PHF20: variants seen among roughly 807,000 people sequenced by gnomAD.
PHF20 encodes PHD finger protein 20, also known as glioma-expressed antigen 2.
A neutral mutation model predicts 113.5 loss-of-function variants in PHF20; 23 were observed. That is an observed-to-expected ratio of 0.20 (90% CI 0.15 to 0.29). PHF20 has a LOEUF of 0.29. Among genes scored for constraint, PHF20 ranks in the 10% least tolerant of loss-of-function variants. The pLI is 1.00. For synonymous variants in PHF20, 434 were observed against 457.3 expected (o/e 0.95, Z 0.65); for missense variants, 943 against 1,219.6 (o/e 0.77, Z 3.38).
At chr20:35,873,103 T>TG (rs1458793709) in intron 9 of PHF20, among the ~76,000 whole-genome samples, 2 of 142,536 alleles carry the variant, frequency 1.4e-5, no homozygotes, top group Admixed American at 6.9e-5. Context: ...TACACATTTA[T>TG]AATTTTTTTT....
intron 9 of PHF20, chr20:35,878,342 G>A: frequency 2.9e-6 from 1 of 343,312 alleles, no homozygotes; most frequent in Non-Finnish European, 5.2e-6. Flanking sequence ...GAAACTATGA[G>A]AATAGAGAGA....
At chr20:35,833,932 C>T (rs1298948495) in intron 2 of PHF20, among the ~76,000 whole-genome samples, 1 of 151,936 alleles carries the variant, frequency 6.6e-6, no homozygotes, top group African/African-American at 2.4e-5. Flanking sequence ...GTGGCGCACA[C>T]CTGTAATCCC....
At chr20:35,869,619 A>T (rs1473932335) in intron 7 of PHF20, 68 bp downstream of exon 7, 2 of 830,750 alleles carry the variant, frequency 2.4e-6, no homozygotes, top group Non-Finnish European at 4.2e-6. Flanking sequence ...CTCTATATTC[A>T]TCCTGTCCCC....
intron 4 of PHF20, among the ~76,000 whole-genome samples, chr20:35,856,735 T>G (rs2042835213): frequency 6.6e-6 from 1 of 152,172 alleles, no homozygotes. Flanking sequence ...TTGTGGGTAT[T>G]TGAGCCAGGC....
chr20:35,778,753 CA>C (rs199913263), intron 1 of PHF20, among the ~76,000 whole-genome samples: 11,306 of 108,778 alleles, frequency 0.1, 428 homozygotes, highest in African/African-American at 0.17. Context: ...AACTGTGTCT[CA>C]AAAAAAAAAA....
rs189948972 is a variant in PHF20 at position 35,885,402 on chromosome 20, C to A, written c.1282+13573C>A. 2.7e-3 allele frequency among the ~76,000 whole-genome samples: 327 copies of A among 122,622 alleles called. 1 individual carries two copies. Among genetic ancestry groups the A allele is most frequent in the Non-Finnish European group, 4.5e-3 (265 of 59,292 alleles). The allele number at this position is 122,622 out of a possible 152,430, so 80.4% of individuals were successfully genotyped here. A position where few individuals can be genotyped will look rare whatever the true frequency, so the allele number is the denominator to read the frequency against. Reference sequence around the variant, plus strand: ...TCAGCTGTCATATTTCTTTTGTCTTCTTTAATCTGAAACAGACCTTCAGTC... The same window carrying A: ...TCAGCTGTCATATTTCTTTTGTCTTATTTAATCTGAAACAGACCTTCAGTC... On this transcript the variant is annotated intron_variant, in intron 9 of 17. Transcript: ENST00000374012.
intron 9 of PHF20, 139 bp from the exon 10 acceptor site, chr20:35,899,231 G>A (rs2055047633): frequency 1.6e-6 from 1 of 637,912 alleles, no homozygotes; most frequent in Non-Finnish European, 2.7e-6. Context: ...ACAGTAATTT[G>A]AGGAGGTAAT....
chr20:35,853,248 A>T (rs1187812399), intron 4 of PHF20: 3 of 152,168 alleles, frequency 2.0e-5, no homozygotes, highest in Non-Finnish European at 4.4e-5. Flanking sequence ...AAAGAAAAAA[A>T]AAGAAAAGAC....
chr20:35,945,373 T>C (rs1444710836), intron 17 of PHF20, among the ~76,000 whole-genome samples: 1 of 152,096 alleles, frequency 6.6e-6, no homozygotes, highest in Admixed American at 6.6e-5. Flanking sequence ...CAAACCATAG[T>C]AAATGCTCAA....
chr20:35,911,167 A>C (rs1009122881), intron 10 of PHF20, among the ~76,000 whole-genome samples: 2 of 152,020 alleles, frequency 1.3e-5, no homozygotes, highest in Non-Finnish European at 2.9e-5. Flanking sequence ...CAGCCTCCCC[A>C]GTAGCTGGGA....
chr20:35,901,731 G>T (rs988357711), intron 10 of PHF20, among the ~76,000 whole-genome samples: 23 of 152,048 alleles, frequency 1.5e-4, no homozygotes, highest in African/African-American at 5.1e-4. Context: ...CCATCGGATC[G>T]ATCTTTAAGA....
chr20:35,946,686 T>TTTTATTTTA (rs2056091146), intron 17 of PHF20, among the ~76,000 whole-genome samples: 1 of 99,598 alleles, frequency 1.0e-5, no homozygotes, highest in African/African-American at 4.4e-5. Context: ...ATTTTATTTA[T>TTTTATTTTA]TTTATTTTAT....
intron 14 of PHF20, chr20:35,928,512 G>A (rs995026146): frequency 6.8e-6 from 1 of 147,624 alleles, no homozygotes; most frequent in Non-Finnish European, 1.5e-5. Context: ...ATAACTATAA[G>A]CACAATGTCG....
chr20:35,874,468 C>A (rs1469586238), intron 9 of PHF20, among the ~76,000 whole-genome samples: 1 of 151,750 alleles, frequency 6.6e-6, no homozygotes, highest in Non-Finnish European at 1.5e-5. Flanking sequence ...ACAAATTCTT[C>A]TGGTTTTTGT....
At position 35,940,860 on chromosome 20, in the gene PHF20, C is replaced by G; in HGVS notation, c.2713-4C>G. 1.2e-6 allele frequency: 2 copies of G among 1,609,196 alleles called. No homozygotes were observed. Among genetic ancestry groups the G allele is most frequent in the South Asian group, 2.2e-5 (2 of 90,558 alleles). ...CAGTAATTTCCATGCCATTGCATCC[C>G]CAGGTGAAGGAATATGTCTCCAAAA... On this transcript the variant is annotated splice_region_variant and splice_polypyrimidine_tract_variant and intron_variant, in intron 16 of 17. Coordinates refer to ENST00000374012, the MANE Select transcript of PHF20 (RefSeq NM_016436.5).
chr20:35,847,498 A>G (rs2042645225), intron 4 of PHF20, 64 bp downstream of exon 4: 4 of 983,996 alleles, frequency 4.1e-6, no homozygotes, highest in South Asian at 4.0e-5. Flanking sequence ...GATGTTTGTA[A>G]TATCAGAGCT....
At chr20:35,793,109 T>A (rs1213867902) in intron 1 of PHF20, among the ~76,000 whole-genome samples, 1 of 152,172 alleles carries the variant, frequency 6.6e-6, no homozygotes, top group Non-Finnish European at 1.5e-5. Context: ...TTATGCTTTC[T>A]TGGGACAGCA....
At position 35,927,880 on chromosome 20, in the gene PHF20, G is replaced by C; in HGVS notation, c.2104+1G>C. The stretch of plus-strand genomic sequence containing the variant: ...TGTTATGTTTGCCAAGACCCTCCAG[G>C]TAGAGATTTCTGGAGTCAGGGATAT... On this transcript the variant is annotated splice_donor_variant, in intron 14 of 17. Coordinates refer to ENST00000374012, the MANE Select transcript of PHF20 (RefSeq NM_016436.5). LOFTEE classifies it high-confidence loss of function. The C allele has an allele frequency of 6.2e-7, 1 of 1,602,604 alleles. No individual in the cohort carries two copies. Among genetic ancestry groups the C allele is most frequent in the Non-Finnish European group, 8.6e-7 (1 of 1,169,454 alleles).
intron 10 of PHF20, among the ~76,000 whole-genome samples, chr20:35,900,703 G>T (rs1306750406): frequency 1.3e-5 from 2 of 152,088 alleles, no homozygotes; most frequent in East Asian, 3.9e-4. Flanking sequence ...CGGGCTTGGT[G>T]GTGCATGCCT....
Sources: gnomAD v4.1 joint callset for allele counts (sites outside exome capture counted in the v4.1 genomes callset) on GRCh38, gnomAD v4.1.1 for gene constraint, MANE v1.5 for transcripts, NCBI Gene and HGNC (gene_info 2026-07-23, HGNC 2026-07-21) for gene names.